LRRC7: variants seen among roughly 807,000 people sequenced by gnomAD.
LRRC7 encodes the protein leucine-rich repeat-containing protein 7.
LRRC7 carries 23 observed loss-of-function variants against 175.7 expected under a neutral mutation model. The ratio of observed to expected loss-of-function variants is 0.13; its 90% CI spans 0.09 to 0.19. LRRC7 has a LOEUF of 0.19. LRRC7 is among the 10% of genes least tolerant of loss of function. LRRC7 has a pLI of 1.00. For missense variants in LRRC7, 1,354 were observed against 1,904.7 expected, an observed-to-expected ratio of 0.71 and a Z score of 5.38; for synonymous variants, 685 against 680.9, an observed-to-expected ratio of 1.01 and a Z score of -0.09.
chr1:69,946,107 G>A (rs1417077141), intron 8 of LRRC7, among the ~76,000 whole-genome samples: 1 of 152,056 alleles, frequency 6.6e-6, no homozygotes, highest in Admixed American at 6.6e-5. Context: ...GTTAGCTGTG[G>A]GCTTGTCGTG....
At chr1:69,809,854 A>G (rs1480792351) in intron 4 of LRRC7, among the ~76,000 whole-genome samples, 3 of 152,180 alleles carry the variant, frequency 2.0e-5, no homozygotes, top group Admixed American at 2.0e-4. Context: ...CCCTTTTTAA[A>G]CCAGCACAAG....
intron 4 of LRRC7, among the ~76,000 whole-genome samples, chr1:69,811,199 G>A (rs1051804748): frequency 2.0e-5 from 3 of 152,066 alleles, no homozygotes; most frequent in Non-Finnish European, 2.9e-5. Context: ...TTAGAGAAAC[G>A]CAAATCAAAA....
At chr1:69,940,948 G>A (rs889807778) in intron 8 of LRRC7, among the ~76,000 whole-genome samples, 1 of 152,038 alleles carries the variant, frequency 6.6e-6, no homozygotes, top group African/African-American at 2.4e-5. Flanking sequence ...GAAAGGAAAA[G>A]ATGATATGGG....
At chr1:70,065,671 A>T (rs1661918669) in intron 23 of LRRC7, among the ~76,000 whole-genome samples, 1 of 151,952 alleles carries the variant, frequency 6.6e-6, no homozygotes, top group Non-Finnish European at 1.5e-5. Context: ...GGATGGAAAT[A>T]TCTAGGGGTG....
intron 7 of LRRC7, among the ~76,000 whole-genome samples, chr1:69,857,907 A>G (rs1394622774): frequency 6.6e-6 from 1 of 152,212 alleles, no homozygotes; most frequent in East Asian, 1.9e-4. Flanking sequence ...TCGTACCAAA[A>G]CAGAGATATA....
At chr1:69,889,798 C>G (rs1645777606) in intron 7 of LRRC7, among the ~76,000 whole-genome samples, 3 of 151,770 alleles carry the variant, frequency 2.0e-5, no homozygotes, top group Non-Finnish European at 2.9e-5. Context: ...AGAGTGAGAC[C>G]CTGTCTAAAA....
At chr1:69,921,701 A>T (rs986478087) in intron 7 of LRRC7, among the ~76,000 whole-genome samples, 4 of 152,194 alleles carry the variant, frequency 2.6e-5, no homozygotes, top group Non-Finnish European at 4.4e-5. Flanking sequence ...TCCTGTCCCC[A>T]TTGCCCACAT....
In LRRC7 at chr1:69,940,853, G is replaced by A. The variant is rs148338854; in HGVS notation, c.711+9283G>A. 2.8e-3 allele frequency among the ~76,000 whole-genome samples: 422 copies of A among 151,940 alleles called. 1 individual carries two copies. Among genetic ancestry groups the A allele is most frequent in the Non-Finnish European group, 4.9e-3 (336 of 67,932 alleles). On this transcript the variant is annotated intron_variant, in intron 8 of 26. Coordinates refer to ENST00000651989, the MANE Select transcript of LRRC7 (RefSeq NM_001370785.2). ...ATATCTGGATGTATTGCCTAAAATCGAATTAATAGAAAACAAATGTTATTT... is the reference window on the plus strand; with the variant it reads ...ATATCTGGATGTATTGCCTAAAATCAAATTAATAGAAAACAAATGTTATTT...
chr1:69,645,779 G>A (rs544110133), intron 1 of LRRC7, among the ~76,000 whole-genome samples: 2 of 152,028 alleles, frequency 1.3e-5, no homozygotes, highest in Non-Finnish European at 2.9e-5. Flanking sequence ...ATAATACTAT[G>A]AGAAAATATA....
At chr1:69,858,315 T>G (rs921220054) in intron 7 of LRRC7, among the ~76,000 whole-genome samples, 5 of 152,016 alleles carry the variant, frequency 3.3e-5, no homozygotes, top group African/African-American at 1.2e-4. Context: ...ATCATCAGAG[T>G]GAACAGACAA....
intron 8 of LRRC7, among the ~76,000 whole-genome samples, chr1:69,953,792 C>T (rs1031496743): frequency 6.6e-6 from 1 of 152,022 alleles, no homozygotes; most frequent in Non-Finnish European, 1.5e-5. Context: ...CCGCAGATTA[C>T]CATCAACACT....
intron 2 of LRRC7, among the ~76,000 whole-genome samples, chr1:69,749,425 A>C (rs1342850274): frequency 6.6e-6 from 1 of 152,180 alleles, no homozygotes; most frequent in African/African-American, 2.4e-5. Flanking sequence ...TTTAAAAAGA[A>C]GACAAATTTA....
intron 13 of LRRC7, among the ~76,000 whole-genome samples, chr1:70,014,994 G>A (rs919892741): frequency 1.3e-5 from 2 of 151,974 alleles, no homozygotes; most frequent in Non-Finnish European, 2.9e-5. Flanking sequence ...CAGTGCAGCA[G>A]AATTGACATT....
At chr1:69,884,008 G>T (rs1211504763) in intron 7 of LRRC7, among the ~76,000 whole-genome samples, 1 of 70,194 alleles carries the variant, frequency 1.4e-5, no homozygotes. Flanking sequence ...TGCTGTTTTG[G>T]TTACTGTAGC....
At chr1:69,734,967 C>G (rs1483972700) in intron 2 of LRRC7, among the ~76,000 whole-genome samples, 1 of 151,592 alleles carries the variant, frequency 6.6e-6, no homozygotes, top group Non-Finnish European at 1.5e-5. Flanking sequence ...CTATAAAAAA[C>G]TGTTAAAAAT....
chr1:70,082,520 G>A (rs1035128937), intron 24 of LRRC7, among the ~76,000 whole-genome samples: 1 of 152,124 alleles, frequency 6.6e-6, no homozygotes, highest in African/African-American at 2.4e-5. Flanking sequence ...GTTGTGTGCA[G>A]TCATATGGTA....
chr1:69,630,854 A>G lies in LRRC7; in HGVS notation c.3-47527A>G, dbSNP rs1652378466. ...AGAATTAGACAAGCAACAAACTAGG[A>G]GAAAATATTGGCCAAATACATGATG... On this transcript the variant is annotated intron_variant, in intron 1 of 26. Coordinates refer to ENST00000651989, the MANE Select transcript of LRRC7 (RefSeq NM_001370785.2). Among the ~76,000 whole-genome samples the G allele has an allele frequency of 8.5e-5, 13 of 152,240 alleles. No individual in the cohort carries two copies. In the South Asian group the frequency reaches 2.7e-3, roughly 32 times the overall value.
chr1:70,109,097 C>G (rs1665346275), intron 26 of LRRC7, among the ~76,000 whole-genome samples: 1 of 152,150 alleles, frequency 6.6e-6, no homozygotes, highest in Non-Finnish European at 1.5e-5. Context: ...TCTCGGCTCA[C>G]CACAACCTCC....
Position 69,618,159 on chromosome 1 carries a change from C to T in LRRC7, c.2+49518C>T, listed in dbSNP as rs536452780. On this transcript the variant is annotated intron_variant, in intron 1 of 26. Transcript: ENST00000651989. The stretch of plus-strand genomic sequence containing the variant: ...TTTTCCCCCGCAGGAACTCTGGCTC[C>T]AAGCTCTGGGAATTTCTTCTTTTTC... Among the ~76,000 whole-genome samples, 27 of 152,190 alleles carry T rather than the reference C, an allele frequency of 1.8e-4. No homozygotes were observed. In the South Asian group the frequency reaches 5.2e-3, roughly 29 times the overall value.
Sources: gnomAD v4.1 joint callset for allele counts (sites outside exome capture counted in the v4.1 genomes callset) on GRCh38, gnomAD v4.1.1 for gene constraint, MANE v1.5 for transcripts, NCBI Gene and HGNC (gene_info 2026-07-23, HGNC 2026-07-21) for gene names.